Variants in PTK2 observed in about 807,000 individuals in gnomAD.
The protein encoded by PTK2 is protein tyrosine kinase 2, also known as focal adhesion kinase 1.
PTK2 carries 45 observed loss-of-function variants against 150.1 expected under a neutral mutation model. That is an observed-to-expected ratio of 0.30 (90% CI 0.24 to 0.38). The LOEUF is 0.38. Ranked by LOEUF, PTK2 falls within the 10% of genes least tolerant of loss-of-function variation. The pLI, the probability that PTK2 is intolerant of heterozygous loss-of-function variation, is 1.00. For synonymous variants in PTK2, 432 were observed against 449.2 expected, an observed-to-expected ratio of 0.96 and a Z score of 0.48; for missense variants, 919 against 1,307.3, an observed-to-expected ratio of 0.70 and a Z score of 4.58.
At chr8:140,826,110 G>A (rs1488314657) in intron 8 of PTK2, among the ~76,000 whole-genome samples, 1 of 152,056 alleles carries the variant, frequency 6.6e-6, no homozygotes, top group Non-Finnish European at 1.5e-5. Flanking sequence ...AAAAAATCAG[G>A]TAAAACAAAA....
At chr8:140,970,767 A>G (rs917635735) in intron 1 of PTK2, among the ~76,000 whole-genome samples, 12 of 152,210 alleles carry the variant, frequency 7.9e-5, no homozygotes, top group Non-Finnish European at 1.8e-4. Context: ...GTCAAATCTC[A>G]ATCAGATGTC....
chr8:140,781,722 G>A (rs892215182), intron 14 of PTK2, among the ~76,000 whole-genome samples: 1 of 152,230 alleles, frequency 6.6e-6, no homozygotes, highest in African/African-American at 2.4e-5. Context: ...GCTGAGACGA[G>A]TTCAGCTCAA....
At chr8:140,681,865 A>AT (rs1182253210) in intron 27 of PTK2, among the ~76,000 whole-genome samples, 2 of 152,242 alleles carry the variant, frequency 1.3e-5, no homozygotes, top group Non-Finnish European at 2.9e-5. Context: ...TAACCTATTT[A>AT]TGCTGGAGGT....
intron 2 of PTK2, among the ~76,000 whole-genome samples, chr8:140,913,093 T>A (rs1165127973): frequency 1.3e-5 from 2 of 151,770 alleles, no homozygotes; most frequent in Non-Finnish European, 2.9e-5. Context: ...ATAATAGAGG[T>A]CCTGGTCAAG....
Position 140,992,238 on chromosome 8 carries a change from G to A in PTK2, c.-122+8887C>T, listed in dbSNP as rs1312952264. Among the ~76,000 whole-genome samples the A allele has an allele frequency of 2.0e-5, 3 of 149,500 alleles. No homozygotes were observed. In the East Asian group the frequency reaches 6.0e-4, roughly 30 times the overall value. ...ACCCGAGAGGCAGAGGTTGCAGTGA[G>A]CCAAGACTGCGCCACTGCCCTCCAG... On this transcript the variant is annotated intron_variant, in intron 1 of 31. Transcript: ENST00000522684.
chr8:140,745,227 C>A (rs2100058029), intron 18 of PTK2, among the ~76,000 whole-genome samples: 1 of 152,158 alleles, frequency 6.6e-6, no homozygotes, highest in Admixed American at 6.5e-5. Flanking sequence ...GAAGGAATCT[C>A]CCCTCTTATT....
chr8:140,811,055 T>G (rs545827836), intron 10 of PTK2, among the ~76,000 whole-genome samples: 26 of 152,324 alleles, frequency 1.7e-4, no homozygotes, highest in Admixed American at 1.5e-3. Flanking sequence ...CTGATGAGCG[T>G]GCATCCCAGT....
chr8:140,981,203 T>C (rs916888736), intron 1 of PTK2, among the ~76,000 whole-genome samples: 2 of 151,660 alleles, frequency 1.3e-5, no homozygotes, highest in African/African-American at 2.4e-5. Flanking sequence ...CATTTTGCCC[T>C]CAGACTTTAT....
intron 23 of PTK2, among the ~76,000 whole-genome samples, chr8:140,712,560 A>G (rs903885436): frequency 1.3e-5 from 2 of 152,112 alleles, no homozygotes; most frequent in Non-Finnish European, 2.9e-5. Flanking sequence ...TTAAGGGGGG[A>G]AAAAAGGAGA....
intron 3 of PTK2, among the ~76,000 whole-genome samples, chr8:140,880,265 CAT>C (rs1169510558): frequency 2.6e-5 from 4 of 152,204 alleles, no homozygotes; most frequent in Non-Finnish European, 5.9e-5. Context: ...ATGCCTCTAA[CAT>C]GTGTTCCCTT....
At chr8:140,721,967 A>G (rs958557924) in intron 22 of PTK2, among the ~76,000 whole-genome samples, 3 of 152,248 alleles carry the variant, frequency 2.0e-5, no homozygotes, top group Admixed American at 1.3e-4. Flanking sequence ...CCATTAGGCC[A>G]AAAGTTGTTA....
chr8:140,958,603 A>C (rs1461499286), intron 1 of PTK2, among the ~76,000 whole-genome samples: 1 of 152,250 alleles, frequency 6.6e-6, no homozygotes, highest in Non-Finnish European at 1.5e-5. Context: ...TCACGTGCTA[A>C]GGAGCACTTG....
At chr8:140,710,111 T>A (rs2154184953) in intron 23 of PTK2, among the ~76,000 whole-genome samples, 1 of 152,152 alleles carries the variant, frequency 6.6e-6, no homozygotes, top group African/African-American at 2.4e-5. Flanking sequence ...GCTCAGGAGT[T>A]TGAGACCAGC....
At chr8:140,951,961 T>C (rs934086213) in intron 1 of PTK2, among the ~76,000 whole-genome samples, 22 of 151,884 alleles carry the variant, frequency 1.4e-4, no homozygotes, top group Non-Finnish European at 2.8e-4. Flanking sequence ...GGGTCACAAA[T>C]AGCTGGTTTG....
At chr8:140,849,380 T>TGGGCTTC (rs2100127714) in intron 5 of PTK2, among the ~76,000 whole-genome samples, 1 of 152,238 alleles carries the variant, frequency 6.6e-6, no homozygotes, top group Admixed American at 6.5e-5. Context: ...ATCCTGAGGC[T>TGGGCTTC]GGGCTTCAAG....
chr8:140,992,149 G>A (rs1240713161), intron 1 of PTK2, among the ~76,000 whole-genome samples: 4 of 151,774 alleles, frequency 2.6e-5, no homozygotes, highest in Non-Finnish European at 4.4e-5. Flanking sequence ...AAAATTGGCC[G>A]GGTGTGGTGG....
rs546157900 is a variant in PTK2, at chr8:140,816,419, C to A, written c.867+1858G>T. 2.0e-5 allele frequency among the ~76,000 whole-genome samples: 3 copies of A among 152,286 alleles called. No homozygotes were observed. The East Asian group carries it at 5.8e-4, about 29-fold the overall frequency. On this transcript the variant is annotated intron_variant, in intron 10 of 31. Coordinates refer to ENST00000522684, the Ensembl canonical transcript of PTK2. ...CTCTGTGAATATCCAGCTGACACAGCAGCATTTAATGAGATTTAATCAGTG... is the reference window on the plus strand; with the variant it reads ...CTCTGTGAATATCCAGCTGACACAGAAGCATTTAATGAGATTTAATCAGTG...
chr8:140,714,450 T>C (rs917043052), intron 23 of PTK2, among the ~76,000 whole-genome samples: 2 of 151,026 alleles, frequency 1.3e-5, no homozygotes, highest in Non-Finnish European at 2.9e-5. Context: ...GACCCCATCT[T>C]TATTTAAAAA....
chr8:140,703,988 A>C (rs942305576), intron 24 of PTK2, among the ~76,000 whole-genome samples: 1 of 152,214 alleles, frequency 6.6e-6, no homozygotes, highest in South Asian at 2.1e-4. Flanking sequence ...AATTTATACC[A>C]AAATTTCATA....
Sources: allele counts gnomAD v4.1 joint callset (sites outside exome capture counted in the v4.1 genomes callset), GRCh38; gene constraint gnomAD v4.1.1; transcripts MANE v1.5; gene names NCBI Gene and HGNC (gene_info 2026-07-23, HGNC 2026-07-21).